NRXN3: variants seen among roughly 807,000 people sequenced by gnomAD.
NRXN3 encodes neurexin 3.
In NRXN3, 32 loss-of-function variants were observed where a neutral mutation model predicts 137.6. The ratio of observed to expected loss-of-function variants is 0.23; its 90% CI spans 0.18 to 0.31. The LOEUF (loss-of-function observed/expected upper bound fraction) is 0.31. NRXN3 is among the 10% of genes least tolerant of loss of function. The pLI is 1.00. For missense variants in NRXN3, 1,574 were observed against 2,062.5 expected, an observed-to-expected ratio of 0.76 and a Z score of 4.59; for synonymous variants, 798 against 784.5, an observed-to-expected ratio of 1.02 and a Z score of -0.29.
At chr14:79,245,479 G>A (rs2075019258) in intron 15 of NRXN3, among the ~76,000 whole-genome samples, 1 of 151,946 alleles carries the variant, frequency 6.6e-6, no homozygotes, top group African/African-American at 2.4e-5. Context: ...CGAGATGAGA[G>A]AGAAGAAAGA....
rs71131635 is a variant in NRXN3, at chr14:78,225,974, G to GGTGT, written c.-703-16376_-703-16373dup. 6.1e-3 allele frequency among the ~76,000 whole-genome samples: 760 copies of GGTGT among 123,698 alleles called. 6 individuals are homozygous for GGTGT. The highest frequency in any genetic ancestry group is 8.9e-3 in the Admixed American group (109 of 12,238). 81.2% of individuals were successfully genotyped at this position (123,698 alleles called of 152,430 possible). On this transcript the variant is annotated intron_variant, in intron 1 of 20. Coordinates refer to ENST00000335750, the MANE Select transcript of NRXN3 (RefSeq NM_001330195.2). ...TTTGGTGTGTGTGTGTGTGTGTGTT[G>GGTGT]GTGTGTGTGTGTGTGTGTGTGTGTG...
intron 15 of NRXN3, among the ~76,000 whole-genome samples, chr14:79,045,971 A>G (rs1354554487): frequency 6.6e-6 from 1 of 152,224 alleles, no homozygotes; most frequent in East Asian, 1.9e-4. Flanking sequence ...AAGGAAAGAT[A>G]AATATTTCAG....
intron 6 of NRXN3, among the ~76,000 whole-genome samples, chr14:78,680,997 A>G (rs1019801427): frequency 1.3e-5 from 2 of 152,244 alleles, no homozygotes; most frequent in African/African-American, 4.8e-5. Context: ...TACACAGGAA[A>G]GCAACAGATG....
At chr14:79,739,700 G>C (rs575477289) in intron 19 of NRXN3, among the ~76,000 whole-genome samples, 151 of 142,596 alleles carry the variant, frequency 1.1e-3, no homozygotes, top group Admixed American at 1.9e-3. Flanking sequence ...CCAATGGTGC[G>C]ATCAGGTGCC....
chr14:79,222,697 A>G (rs2070008416), intron 15 of NRXN3, among the ~76,000 whole-genome samples: 2 of 151,756 alleles, frequency 1.3e-5, no homozygotes, highest in Non-Finnish European at 2.9e-5. Context: ...TAATATTGTC[A>G]GTGTTTTAAA....
At chr14:79,069,527 A>G (rs2099684857) in intron 15 of NRXN3, among the ~76,000 whole-genome samples, 1 of 147,494 alleles carries the variant, frequency 6.8e-6, no homozygotes, top group Admixed American at 6.9e-5. Context: ...AACTAGGTAG[A>G]TAAAAGAAAT....
chr14:78,809,343 A>G (rs1384590628), intron 9 of NRXN3, among the ~76,000 whole-genome samples: 6 of 152,108 alleles, frequency 3.9e-5, no homozygotes, highest in African/African-American at 1.4e-4. Flanking sequence ...AAAAATACTC[A>G]AGATGTCAAA....
In NRXN3 at chr14:78,816,434, A is replaced by G. The variant is rs1380180941; in HGVS notation, c.2275+6090A>G. ...CACAAATACCAACAAGCTTTTCCAC[A>G]TCTTATTTTTCCACTAAAAATGTCT... On this transcript the variant is annotated intron_variant, in intron 10 of 20. Coordinates refer to ENST00000335750, the MANE Select transcript of NRXN3 (RefSeq NM_001330195.2). Among the ~76,000 whole-genome samples the G allele has an allele frequency of 2.6e-5, 4 of 152,004 alleles. No individual in the cohort carries two copies. In the East Asian group the frequency reaches 5.8e-4, roughly 22 times the overall value.
At chr14:78,649,641 C>T (rs1017498874) in intron 5 of NRXN3, among the ~76,000 whole-genome samples, 2 of 149,350 alleles carry the variant, frequency 1.3e-5, no homozygotes, top group Non-Finnish European at 3.0e-5. Flanking sequence ...TTCCAAGTTA[C>T]ATACTAGGGA....
At chr14:78,510,346 G>T (rs1032027321) in intron 4 of NRXN3, among the ~76,000 whole-genome samples, 5 of 152,024 alleles carry the variant, frequency 3.3e-5, no homozygotes, top group Middle Eastern at 3.4e-3. Flanking sequence ...TTACCAAACT[G>T]GTTATTCAGA....
chr14:78,739,779 T>A (rs776136895), intron 8 of NRXN3, among the ~76,000 whole-genome samples: 1 of 152,118 alleles, frequency 6.6e-6, no homozygotes, highest in Admixed American at 6.6e-5. Context: ...TATGTTCCCA[T>A]CCCAAAACCA....
At chr14:79,505,379 A>G (rs749765525) in intron 16 of NRXN3, among the ~76,000 whole-genome samples, 1 of 152,222 alleles carries the variant, frequency 6.6e-6, no homozygotes, top group East Asian at 1.9e-4. Context: ...TAGAGATGCT[A>G]CCATCTTCAG....
chr14:78,905,766 C>T (rs1207969926), intron 10 of NRXN3, among the ~76,000 whole-genome samples: 2 of 151,816 alleles, frequency 1.3e-5, no homozygotes, highest in Admixed American at 6.6e-5. Flanking sequence ...TTAATATTTT[C>T]CCAATTTGAA....
intron 15 of NRXN3, among the ~76,000 whole-genome samples, chr14:79,273,172 C>CAAAAAAAAAAAAAAAAA (rs1163073631): frequency 1.2e-3 from 25 of 20,750 alleles, no homozygotes; most frequent in Non-Finnish European, 1.6e-3. Flanking sequence ...ACTCTGTGGC[C>CAAAAAAAAAAAAAAAAA]AAAAAAAAAA....
chr14:78,255,806 A>G (rs1025513326), intron 2 of NRXN3, among the ~76,000 whole-genome samples: 5 of 152,210 alleles, frequency 3.3e-5, no homozygotes, highest in African/African-American at 9.6e-5. Flanking sequence ...ATATGTGCAC[A>G]TATGTGTCTG....
At chr14:79,303,431 T>C (rs926586278) in intron 15 of NRXN3, among the ~76,000 whole-genome samples, 1 of 152,094 alleles carries the variant, frequency 6.6e-6, no homozygotes, top group Non-Finnish European at 1.5e-5. Context: ...AAGTGAGGTC[T>C]GGATAGGTCA....
chr14:78,752,835 T>A (rs761940093), intron 8 of NRXN3, among the ~76,000 whole-genome samples: 2 of 152,128 alleles, frequency 1.3e-5, no homozygotes, highest in Non-Finnish European at 2.9e-5. Context: ...GTAAGCCTGG[T>A]CATTAGGAGC....
intron 16 of NRXN3, among the ~76,000 whole-genome samples, chr14:79,576,566 G>T (rs1410001959): frequency 6.6e-6 from 1 of 152,152 alleles, no homozygotes; most frequent in Non-Finnish European, 1.5e-5. Context: ...AGACAAATGG[G>T]AAGACGGGTC....
At chr14:79,760,471 C>G (rs1407844390) in intron 19 of NRXN3, among the ~76,000 whole-genome samples, 1 of 145,748 alleles carries the variant, frequency 6.9e-6, no homozygotes, top group Non-Finnish European at 1.5e-5. Context: ...CTGTTTGGCC[C>G]GTGGTATTCT....
Sources: allele counts gnomAD v4.1 joint callset (sites outside exome capture counted in the v4.1 genomes callset), GRCh38; gene constraint gnomAD v4.1.1; transcripts MANE v1.5; gene names NCBI Gene and HGNC (gene_info 2026-07-23, HGNC 2026-07-21).